RAD51B: variants seen among roughly 807,000 people sequenced by gnomAD.
RAD51B encodes DNA repair protein RAD51 homolog 2.
Under a neutral mutation model 42.2 loss-of-function variants are expected in RAD51B, and 38 were observed. That is an observed-to-expected ratio of 0.90 (90% CI 0.70 to 1.18). The LOEUF (loss-of-function observed/expected upper bound fraction) is 1.18, where lower values mean the gene tolerates loss of function less well. Ranked by LOEUF, RAD51B falls within the 50% of genes most tolerant of loss-of-function variation. The pLI is 0.00. For synonymous variants in RAD51B, 154 were observed against 145.2 expected (o/e 1.06, Z -0.43); for missense variants, 373 against 400.7 (o/e 0.93, Z 0.59).
intron 7 of RAD51B, among the ~76,000 whole-genome samples, chr14:68,000,126 G>A (rs2140308778): frequency 6.6e-6 from 1 of 152,194 alleles, no homozygotes; most frequent in East Asian, 1.9e-4. Context: ...CCTATTTATT[G>A]CCATGACTAA....
At chr14:68,180,698 A>G (rs1039317807) in intron 7 of RAD51B, among the ~76,000 whole-genome samples, 1 of 152,194 alleles carries the variant, frequency 6.6e-6, no homozygotes, top group Non-Finnish European at 1.5e-5. Context: ...TGCTTCTCTA[A>G]GTAGCTGGGA....
chr14:68,077,464 A>T (rs1197901702), intron 7 of RAD51B, among the ~76,000 whole-genome samples: 1 of 152,208 alleles, frequency 6.6e-6, no homozygotes, highest in Non-Finnish European at 1.5e-5. Flanking sequence ...AAGGTGCCTT[A>T]TTAACTTTTG....
At chr14:68,189,728 A>G (rs1595529723) in intron 7 of RAD51B, among the ~76,000 whole-genome samples, 2 of 152,248 alleles carry the variant, frequency 1.3e-5, no homozygotes, top group Non-Finnish European at 2.9e-5. Context: ...ATGTTGTGGC[A>G]TGATCTCGGC....
rs187258008 is a variant in RAD51B at position 68,203,257 on chromosome 14, G to A, written c.757-88627G>A. Among the ~76,000 whole-genome samples, 215 of 152,042 alleles carry A rather than the reference G, an allele frequency of 1.4e-3. 1 individual carries two copies. Among genetic ancestry groups the A allele is most frequent in the Non-Finnish European group, 2.2e-3 (149 of 67,970 alleles). ...GACTTGAATGTTGAAATTATTCCTC[G>A]ACACATGGGATACAGAATCAGGCAT... On this transcript the variant is annotated intron_variant, in intron 7 of 10. Coordinates refer to ENST00000471583, the MANE Select transcript of RAD51B (RefSeq NM_133510.4).
intron 7 of RAD51B, among the ~76,000 whole-genome samples, chr14:67,965,592 C>T (rs1460482825): frequency 1.3e-5 from 2 of 152,090 alleles, no homozygotes; most frequent in Non-Finnish European, 2.9e-5. Context: ...CAGAGTCTGG[C>T]TCTGATCTAC....
At chr14:68,340,373 T>C (rs1456492713) in intron 8 of RAD51B, among the ~76,000 whole-genome samples, 2 of 152,218 alleles carry the variant, frequency 1.3e-5, no homozygotes, top group Admixed American at 6.5e-5. Flanking sequence ...TTCTGTGCTG[T>C]GACTTGTCTG....
In RAD51B at chr14:68,218,752, A is replaced by T. The variant is rs539655540; in HGVS notation, c.757-73132A>T. On this transcript the variant is annotated intron_variant, in intron 7 of 10. Coordinates refer to ENST00000471583, the MANE Select transcript of RAD51B (RefSeq NM_133510.4). ...AAATAGGCAACTAAAATAGTTTACA[A>T]TATAATCTAAAAGGATGAATTGGTG... Among the ~76,000 whole-genome samples, 7 of 152,376 alleles carry T rather than the reference A, an allele frequency of 4.6e-5. No homozygotes were observed. In the South Asian group the frequency reaches 1.5e-3, roughly 32 times the overall value.
chr14:68,122,739 T>TCATTATAAG (rs2077675736), intron 7 of RAD51B, among the ~76,000 whole-genome samples: 2 of 152,220 alleles, frequency 1.3e-5, no homozygotes, highest in Non-Finnish European at 2.9e-5. Flanking sequence ...ATAAGTATAG[T>TCATTATAAG]TATTGCATCA....
At chr14:68,038,795 T>A (rs2076172821) in intron 7 of RAD51B, among the ~76,000 whole-genome samples, 1 of 152,144 alleles carries the variant, frequency 6.6e-6, no homozygotes, top group Non-Finnish European at 1.5e-5. Flanking sequence ...CAGTAAAAAT[T>A]AAACTATATA....
chr14:67,950,812 C>A (rs1471510653), intron 7 of RAD51B, among the ~76,000 whole-genome samples: 1 of 151,576 alleles, frequency 6.6e-6, no homozygotes, highest in Non-Finnish European at 1.5e-5. Flanking sequence ...ATTTTTTTTC[C>A]ATTTTTTTGT....
chr14:68,123,623 C>T (rs567481422), intron 7 of RAD51B, among the ~76,000 whole-genome samples: 9 of 152,230 alleles, frequency 5.9e-5, no homozygotes, highest in East Asian at 1.9e-4. Context: ...GTCTGGCCAA[C>T]GTGGTGAAAC....
At chr14:67,922,897 G>A (rs1352410647) in intron 7 of RAD51B, among the ~76,000 whole-genome samples, 1 of 152,084 alleles carries the variant, frequency 6.6e-6, no homozygotes, top group Non-Finnish European at 1.5e-5. Flanking sequence ...TCGCCATGTT[G>A]GCAGGCTGGT....
At chr14:68,570,386 G>T (rs930019757) in intron 10 of RAD51B, among the ~76,000 whole-genome samples, 15 of 152,240 alleles carry the variant, frequency 9.9e-5, no homozygotes, top group African/African-American at 3.4e-4. Context: ...AAGGCTATGA[G>T]AAACCAGCCT....
rs537591437 is a variant in RAD51B at position 68,323,750 on chromosome 14, G to A, written c.853+31770G>A. ...GCGGAGGTTACAGTGAGCTGAGATC[G>A]TGCCACTGCACTCCAGCCTGAATGA... On this transcript the variant is annotated intron_variant, in intron 8 of 10. Transcript: ENST00000471583. Among the ~76,000 whole-genome samples the A allele has an allele frequency of 1.7e-3, 258 of 152,318 alleles. 1 individual carries two copies. Among genetic ancestry groups the A allele is most frequent in the African/African-American group, 5.5e-3 (228 of 41,564 alleles).
chr14:68,540,529 A>G (rs1039840461), intron 10 of RAD51B: 2 of 985,162 alleles, frequency 2.0e-6, no homozygotes, highest in Non-Finnish European at 2.4e-6. Context: ...AACATGTACT[A>G]CTAGTGGGAT....
chr14:68,070,104 G>A (rs1336569415), intron 7 of RAD51B, among the ~76,000 whole-genome samples: 1 of 152,052 alleles, frequency 6.6e-6, no homozygotes, highest in East Asian at 1.9e-4. Flanking sequence ...GTCTGTTCAT[G>A]TACTTTGCCC....
At chr14:68,114,643 G>A (rs1290626635) in intron 7 of RAD51B, among the ~76,000 whole-genome samples, 1 of 152,020 alleles carries the variant, frequency 6.6e-6, no homozygotes, top group Non-Finnish European at 1.5e-5. Flanking sequence ...ATCAACTTAT[G>A]TTTCATTGTC....
At chr14:68,126,499 A>G (rs2077763344) in intron 7 of RAD51B, among the ~76,000 whole-genome samples, 1 of 152,222 alleles carries the variant, frequency 6.6e-6, no homozygotes, top group Non-Finnish European at 1.5e-5. Flanking sequence ...GCATAAAACT[A>G]TAGCCCCTCA....
chr14:68,353,030 AT>A (rs2082822266), intron 8 of RAD51B, among the ~76,000 whole-genome samples: 1 of 152,172 alleles, frequency 6.6e-6, no homozygotes, highest in Non-Finnish European at 1.5e-5. Flanking sequence ...CGCACAGCTC[AT>A]TGGAAGTTTC....
Sources: allele counts gnomAD v4.1 joint callset (sites outside exome capture counted in the v4.1 genomes callset), GRCh38; gene constraint gnomAD v4.1.1; transcripts MANE v1.5; gene names NCBI Gene and HGNC (gene_info 2026-07-23, HGNC 2026-07-21).